ARHGEF3: variants seen among roughly 807,000 people sequenced by gnomAD.
ARHGEF3 encodes the protein 59.8 kDA protein.
ARHGEF3 carries 28 observed loss-of-function variants against 63.2 expected under a neutral mutation model. The ratio of observed to expected loss-of-function variants is 0.44; its 90% CI spans 0.33 to 0.61. The LOEUF (loss-of-function observed/expected upper bound fraction) is 0.61, where lower values mean the gene tolerates loss of function less well. ARHGEF3 is among the 20% of genes least tolerant of loss of function. ARHGEF3 has a pLI of 0.03. For missense variants in ARHGEF3, 533 were observed against 659.3 expected (o/e 0.81, Z 2.10); for synonymous variants, 266 against 254.2 (o/e 1.05, Z -0.44).
chr3:56,846,692 C>T (rs2039502227), intron 4 of ARHGEF3, among the ~76,000 whole-genome samples: 1 of 152,004 alleles, frequency 6.6e-6, no homozygotes, highest in Admixed American at 6.6e-5. Flanking sequence ...TATGGACTAA[C>T]TTCACAACTT....
At chr3:56,789,068 C>T (rs1039610944) in intron 1 of ARHGEF3, among the ~76,000 whole-genome samples, 4 of 149,894 alleles carry the variant, frequency 2.7e-5, no homozygotes, top group Non-Finnish European at 5.9e-5. Context: ...GCTGCTGCTG[C>T]TAATGACCTA....
chr3:57,038,068 T>G (rs1704036094), intron 1 of ARHGEF3, among the ~76,000 whole-genome samples: 1 of 152,038 alleles, frequency 6.6e-6, no homozygotes, highest in Non-Finnish European at 1.5e-5. Flanking sequence ...CCATCTCACA[T>G]GAAGAATCAG....
At chr3:56,959,091 C>A (rs979816093) in intron 2 of ARHGEF3, among the ~76,000 whole-genome samples, 2 of 152,176 alleles carry the variant, frequency 1.3e-5, no homozygotes, top group African/African-American at 4.8e-5. Flanking sequence ...AGGAAAGTCC[C>A]AGAGTCCCTT....
rs1472555304 is a variant in ARHGEF3 at position 56,855,761 on chromosome 3, C to T, written c.192+26531G>A. Among the ~76,000 whole-genome samples, 4 of 151,844 alleles carry T rather than the reference C, an allele frequency of 2.6e-5. No homozygotes were observed. The South Asian group carries it at 6.2e-4, about 24-fold the overall frequency. On this transcript the variant is annotated intron_variant, in intron 4 of 12. Coordinates refer to the ARHGEF3 transcript ENST00000338458. ...ACCCCCTGTAAATGACTGCTACATACAACTACGACACTAAAGTGGAAGGAA... is the reference window on the plus strand; with the variant it reads ...ACCCCCTGTAAATGACTGCTACATATAACTACGACACTAAAGTGGAAGGAA...
At chr3:56,832,205 T>C (rs1423013994) in intron 4 of ARHGEF3, among the ~76,000 whole-genome samples, 1 of 152,240 alleles carries the variant, frequency 6.6e-6, no homozygotes, top group South Asian at 2.1e-4. Flanking sequence ...GTATTTGCTG[T>C]GATTTATTTT....
At chr3:56,831,153 C>T (rs1330979452) in intron 4 of ARHGEF3, among the ~76,000 whole-genome samples, 1 of 152,238 alleles carries the variant, frequency 6.6e-6, no homozygotes, top group Admixed American at 6.5e-5. Flanking sequence ...ACTGGGTTAT[C>T]TCATTTACTC....
Position 56,995,688 on chromosome 3 carries a change from G to C in ARHGEF3, c.63-36799C>G, listed in dbSNP as rs1241421064. 5.1e-5 allele frequency among the ~76,000 whole-genome samples: 7 copies of C among 138,118 alleles called. No homozygotes were observed. In the East Asian group the frequency reaches 1.4e-3, roughly 28 times the overall value. 90.6% of individuals were successfully genotyped at this position (138,118 alleles called of 152,430 possible). ...GAGAGAGAGAATTTTTTTTAACCTG[G>C]TCTCAATTTGAGACCCCAGTAGAGA... On this transcript the variant is annotated intron_variant, in intron 2 of 12. Coordinates refer to the ARHGEF3 transcript ENST00000338458.
intron 1 of ARHGEF3, among the ~76,000 whole-genome samples, chr3:57,043,571 A>G (rs947796076): frequency 6.6e-6 from 1 of 152,026 alleles, no homozygotes; most frequent in Non-Finnish European, 1.5e-5. Flanking sequence ...TAAGAGGAAG[A>G]GCATCAAGTC....
intron 4 of ARHGEF3, among the ~76,000 whole-genome samples, chr3:56,830,145 T>C (rs149569096): frequency 1.3e-5 from 2 of 152,278 alleles, no homozygotes; most frequent in Non-Finnish European, 2.9e-5. Flanking sequence ...TATACTCTTA[T>C]CCATAATGCT....
chr3:56,899,423 C>T (rs2041431186), intron 3 of ARHGEF3, among the ~76,000 whole-genome samples: 1 of 152,204 alleles, frequency 6.6e-6, no homozygotes, highest in South Asian at 2.1e-4. Flanking sequence ...GAATACTCCC[C>T]TAACGTTTAC....
intron 1 of ARHGEF3, among the ~76,000 whole-genome samples, chr3:57,070,195 C>T (rs1705808189): frequency 6.6e-6 from 1 of 152,198 alleles, no homozygotes; most frequent in African/African-American, 2.4e-5. Flanking sequence ...CTTCTCCAGG[C>T]ATGAAGCAAG....
chr3:57,071,585 G>A (rs915036334), intron 1 of ARHGEF3, among the ~76,000 whole-genome samples: 25 of 151,586 alleles, frequency 1.6e-4, no homozygotes, highest in Middle Eastern at 3.2e-3. Flanking sequence ...ATTTGAAACC[G>A]GAAGGTGGAG....
intron 2 of ARHGEF3, among the ~76,000 whole-genome samples, chr3:56,974,198 T>C (rs1701034542): frequency 6.6e-6 from 1 of 152,212 alleles, no homozygotes; most frequent in African/African-American, 2.4e-5. Flanking sequence ...TGTAAGACTT[T>C]TTTGAACTTT....
At chr3:57,073,507 T>C in intron 1 of ARHGEF3, 1 of 868,086 alleles carries the variant, frequency 1.2e-6, no homozygotes, top group Non-Finnish European at 1.7e-6. Flanking sequence ...CTGCAGTATC[T>C]GGGTGACTGT....
intron 2 of ARHGEF3, among the ~76,000 whole-genome samples, chr3:57,010,590 G>C (rs1451099825): frequency 6.6e-6 from 1 of 152,146 alleles, no homozygotes; most frequent in Non-Finnish European, 1.5e-5. Context: ...TGCATGGTTT[G>C]GAGGATTTAT....
intron 2 of ARHGEF3, among the ~76,000 whole-genome samples, chr3:56,974,200 T>C (rs1026506754): frequency 2.6e-5 from 4 of 152,232 alleles, no homozygotes; most frequent in African/African-American, 7.2e-5. Context: ...TAAGACTTTT[T>C]TGAACTTTCT....
chr3:56,867,520 T>C (rs930197698), intron 4 of ARHGEF3, among the ~76,000 whole-genome samples: 1 of 152,138 alleles, frequency 6.6e-6, no homozygotes, highest in African/African-American at 2.4e-5. Flanking sequence ...TCACCCAAGC[T>C]GGAGTACAGT....
rs185689777 is a variant in ARHGEF3, at chr3:57,004,932, C to A, written c.62+30156G>T. 6.2e-4 allele frequency among the ~76,000 whole-genome samples: 94 copies of A among 151,628 alleles called. 1 individual carries two copies. The highest frequency in any genetic ancestry group is 3.4e-3 in the Middle Eastern group (1 of 294). On this transcript the variant is annotated intron_variant, in intron 2 of 12. Coordinates refer to the ARHGEF3 transcript ENST00000338458. ...CTGAGATTGTGCCACTGCAGTCCAG[C>A]CTGAGTGACAGAGCAAGACTCCATT...
intron 1 of ARHGEF3, among the ~76,000 whole-genome samples, chr3:57,054,898 C>G (rs547069080): frequency 2.6e-5 from 4 of 151,676 alleles, no homozygotes; most frequent in Non-Finnish European, 4.4e-5. Context: ...ATCTGCCCAC[C>G]CTGGCCTCCC....
Sources: gnomAD v4.1 joint callset for allele counts (sites outside exome capture counted in the v4.1 genomes callset) on GRCh38, gnomAD v4.1.1 for gene constraint, MANE v1.5 for transcripts, NCBI Gene and HGNC (gene_info 2026-07-23, HGNC 2026-07-21) for gene names.